The following ZC3H11A variants were observed in gnomAD, a reference collection of about 807,000 sequenced individuals.
ZC3H11A encodes zinc finger CCCH domain-containing protein 11A.
Under a neutral mutation model 90.8 loss-of-function variants are expected in ZC3H11A, and 22 were observed. That is an observed-to-expected ratio of 0.24 (90% CI 0.17 to 0.35). The LOEUF (loss-of-function observed/expected upper bound fraction) is 0.35, where lower values mean the gene tolerates loss of function less well. ZC3H11A is among the 10% of genes least tolerant of loss of function. The pLI, the probability that ZC3H11A is intolerant of heterozygous loss-of-function variation, is 1.00. For missense variants in ZC3H11A, 701 were observed against 964.9 expected (o/e 0.73, Z 3.62); for synonymous variants, 294 against 339.8 (o/e 0.87, Z 1.48).
At chr1:203,803,996 G>A (rs933597057) in intron 2 of ZC3H11A, among the ~76,000 whole-genome samples, 4 of 152,006 alleles carry the variant, frequency 2.6e-5, no homozygotes, top group South Asian at 2.1e-4. Context: ...AATTACATTC[G>A]ATGTGTGCAT....
chr1:203,850,130 T>G (rs1688915143), intron 15 of ZC3H11A, 104 bp downstream of exon 15: 1 of 1,004,152 alleles, frequency 1.0e-6, no homozygotes, highest in Non-Finnish European at 1.5e-6. Context: ...GAATTTCATT[T>G]GCCTTCTATC....
chr1:203,797,242 TCTTA>T (rs1668845569), intron 1 of ZC3H11A: 1 of 220,294 alleles, frequency 4.5e-6, no homozygotes, highest in Non-Finnish European at 8.9e-6. Context: ...GGGACTCAGT[TCTTA>T]CTTCTGTAAC....
At chr1:203,831,324 G>A (rs1682289117) in intron 8 of ZC3H11A, among the ~76,000 whole-genome samples, 1 of 152,028 alleles carries the variant, frequency 6.6e-6, no homozygotes, top group Non-Finnish European at 1.5e-5. Flanking sequence ...AAATAGAATA[G>A]GTTGGATTGA....
intron 2 of ZC3H11A, among the ~76,000 whole-genome samples, chr1:203,810,332 A>G (rs1673945848): frequency 6.6e-6 from 1 of 151,586 alleles, no homozygotes; most frequent in Non-Finnish European, 1.5e-5. Flanking sequence ...AAGTTACAGA[A>G]GCTTAGTGTA....
At position 203,800,044 on chromosome 1, in the gene ZC3H11A, G is replaced by T. The variant is rs1347687694; in HGVS notation, c.-1587-1531G>T. The T allele has an allele frequency of 2.6e-6, 4 of 1,536,110 alleles. No homozygotes were observed. The highest frequency in any genetic ancestry group is 3.3e-4 in the Middle Eastern group (2 of 5,990). On this transcript the variant is annotated intron_variant, in intron 1 of 17. Transcript: ENST00000367210. The stretch of plus-strand genomic sequence containing the variant: ...CTAAAAGAAGGCACCTCCAGTTCAG[G>T]TTCTGTTGATAGCTCAGCTGTAGAC...
At chr1:203,819,067 CAAAAAA>C (rs747588582) in intron 4 of ZC3H11A, among the ~76,000 whole-genome samples, 15 of 97,152 alleles carry the variant, frequency 1.5e-4, no homozygotes, top group Admixed American at 2.8e-4. Context: ...CACTCCGTCT[CAAAAAA>C]AAAAATATAT....
Position 203,831,718 on chromosome 1 carries a change from A to G in ZC3H11A, c.758A>G (p.Glu253Gly). The change falls in exon 9 of 18, where the codon GAA becomes GGA. Residue 253 changes from glutamate to glycine, a missense_variant. Around this residue, in one of 4 missense-constraint regions of ZC3H11A, gnomAD observed 530 missense variants for 696.2 expected, o/e 0.76. Transcript: ENST00000367210. ...CACCCTGAGCCCGTTCCAGGTCCTG[A>G]AAAAGAAAATGTCAGGACTGTGGTG... is the stretch of plus-strand genomic sequence containing the variant. ...LLHPEPVPGP[E>G]KENVRTVVRT... 1 of 1,613,246 alleles carries G rather than the reference A, an allele frequency of 6.2e-7. No individual in the cohort carries two copies. Among genetic ancestry groups the G allele is most frequent in the Non-Finnish European group, 8.5e-7 (1 of 1,179,666 alleles).
chr1:203,851,860 T>C (rs1689362397), intron 17 of ZC3H11A, among the ~76,000 whole-genome samples: 1 of 150,838 alleles, frequency 6.6e-6, no homozygotes, highest in Non-Finnish European at 1.5e-5. Flanking sequence ...ACCCAGCTAC[T>C]TGGGAGGCGG....
intron 4 of ZC3H11A, among the ~76,000 whole-genome samples, chr1:203,828,019 G>A (rs911454635): frequency 6.0e-5 from 9 of 150,666 alleles, no homozygotes; most frequent in Admixed American, 5.5e-4. Flanking sequence ...TTAAACTACT[G>A]TATCATCCTG....
intron 17 of ZC3H11A, among the ~76,000 whole-genome samples, chr1:203,851,479 G>A (rs1286998721): frequency 1.3e-5 from 2 of 152,124 alleles, no homozygotes; most frequent in Non-Finnish European, 2.9e-5. Flanking sequence ...ACAGGTGCCT[G>A]CCACAAGGCC....
intron 1 of ZC3H11A, chr1:203,796,972 T>G (rs1311892075): frequency 1.3e-5 from 2 of 153,206 alleles, no homozygotes; most frequent in African/African-American, 4.8e-5. Flanking sequence ...TTGGGTTGTA[T>G]TGGCAAATCA....
intron 1 of ZC3H11A, chr1:203,799,024 A>C: frequency 6.5e-7 from 1 of 1,536,156 alleles, no homozygotes; most frequent in Non-Finnish European, 8.7e-7. Context: ...GTGACTGTAC[A>C]CTGGGTTTCT....
At chr1:203,820,343 G>T (rs1389996069) in intron 4 of ZC3H11A, among the ~76,000 whole-genome samples, 3 of 151,942 alleles carry the variant, frequency 2.0e-5, no homozygotes, top group African/African-American at 7.3e-5. Flanking sequence ...GCGTTTCATT[G>T]CCCTTAACAC....
chr1:203,805,380 C>T (rs1410914635), intron 2 of ZC3H11A, among the ~76,000 whole-genome samples: 1 of 152,068 alleles, frequency 6.6e-6, no homozygotes, highest in Non-Finnish European at 1.5e-5. Flanking sequence ...ATCTGCCTGC[C>T]TCAGCCTTTC....
chr1:203,850,667 A>G lies in ZC3H11A; in HGVS notation c.2092A>G (p.Lys698Glu). The G allele has an allele frequency of 6.2e-7, 1 of 1,613,998 alleles. No individual in the cohort carries two copies. Among genetic ancestry groups the G allele is most frequent in the Non-Finnish European group, 8.5e-7 (1 of 1,179,920 alleles). Residue 698 changes from lysine (K) to glutamate (E), a missense_variant, in exon 16 of 18, where the codon AAA becomes GAA. Coordinates refer to ENST00000367210, the MANE Select transcript of ZC3H11A (RefSeq NM_001376342.1). ...CAGTGTCCTACAGGAACCCCCAGCC[A>G]AAAAGGCAGCTGTGGTAAGAAGTAT... ...SSSVLQEPPA[K>E]KAAVAVVPLV...
intron 2 of ZC3H11A, among the ~76,000 whole-genome samples, chr1:203,816,027 G>A (rs922745766): frequency 6.6e-6 from 1 of 152,146 alleles, no homozygotes; most frequent in Non-Finnish European, 1.5e-5. Context: ...TACACCTCTA[G>A]TCGTCTTCAT....
At chr1:203,844,222 C>T (rs887929450) in intron 12 of ZC3H11A, among the ~76,000 whole-genome samples, 7 of 147,484 alleles carry the variant, frequency 4.7e-5, no homozygotes, top group South Asian at 2.2e-4. Context: ...AGTGCAGTGG[C>T]GTGATCTCAG....
At chr1:203,839,908 A>T (rs1685549780) in intron 11 of ZC3H11A, among the ~76,000 whole-genome samples, 1 of 152,062 alleles carries the variant, frequency 6.6e-6, no homozygotes, top group Non-Finnish European at 1.5e-5. Context: ...GGTTCAAACG[A>T]TTCTCCTGTC....
chr1:203,811,340 G>A (rs1674436854), intron 2 of ZC3H11A, among the ~76,000 whole-genome samples: 1 of 152,074 alleles, frequency 6.6e-6, no homozygotes, highest in Admixed American at 6.6e-5. Context: ...AATAAAATTA[G>A]TTGCCAAAAA....
Sources: gnomAD v4.1 joint callset for allele counts (sites outside exome capture counted in the v4.1 genomes callset) on GRCh38, gnomAD v4.1.1 for gene constraint, gnomAD v4.1.1 regional missense constraint, MANE v1.5 for transcripts, NCBI Gene and HGNC (gene_info 2026-07-23, HGNC 2026-07-21) for gene names.